The following OR2L13 variants were observed in gnomAD, a reference collection of about 807,000 sequenced individuals.
OR2L13 encodes olfactory receptor family 2 subfamily L member 13, also known as olfactory receptor 2L13.
Under a neutral mutation model 15.3 loss-of-function variants are expected in OR2L13, and 14 were observed. The observed-to-expected ratio is 0.91, with a 90% CI of 0.60 to 1.43. The LOEUF (loss-of-function observed/expected upper bound fraction) is 1.43, where lower values mean the gene tolerates loss of function less well. Ranked by LOEUF, OR2L13 falls within the 40% of genes most tolerant of loss-of-function variation. OR2L13 has a pLI of 0.00. For synonymous variants in OR2L13, 152 were observed against 142.9 expected, an observed-to-expected ratio of 1.06 and a Z score of -0.45; for missense variants, 367 against 387.9, an observed-to-expected ratio of 0.95 and a Z score of 0.45.
chr1:248,067,564 C>T, the OR2L13 span, among the ~76,000 whole-genome samples: 149 of 152,340 alleles, frequency 9.8e-4, no homozygotes, highest in African/African-American at 3.3e-3. Context: ...CCAGCGTGAG[C>T]GATGCAGAAG....
the OR2L13 span, among the ~76,000 whole-genome samples, chr1:248,086,209 G>A: frequency 2.6e-5 from 4 of 152,092 alleles, no homozygotes; most frequent in Non-Finnish European, 5.9e-5. Context: ...AGATTAGTGA[G>A]CTGAATACTA....
At chr1:248,034,517 C>T in the OR2L13 span, among the ~76,000 whole-genome samples, 2 of 152,254 alleles carry the variant, frequency 1.3e-5, no homozygotes, top group Non-Finnish European at 2.9e-5. Context: ...AAAGATTTAT[C>T]ATTAGAATTT....
chr1:247,959,173 A>T, the OR2L13 span, among the ~76,000 whole-genome samples: 1 of 152,026 alleles, frequency 6.6e-6, no homozygotes, highest in African/African-American at 2.4e-5. Flanking sequence ...GCTTGTCTGT[A>T]AAGTATTTTA....
chr1:247,975,074 CT>C, the OR2L13 span: 4 of 327,752 alleles, frequency 1.2e-5, no homozygotes, highest in Non-Finnish European at 2.4e-5. Context: ...TGCAGAAATG[CT>C]GCCACTGACA....
the OR2L13 span, among the ~76,000 whole-genome samples, chr1:247,961,549 G>C: frequency 9.9e-5 from 15 of 152,144 alleles, no homozygotes; most frequent in Admixed American, 9.8e-4. Context: ...CAAAGACTCC[G>C]ATGTCCGGTT....
the OR2L13 span, among the ~76,000 whole-genome samples, chr1:248,067,791 C>T: frequency 2.6e-5 from 4 of 152,214 alleles, no homozygotes; most frequent in Non-Finnish European, 5.9e-5. Flanking sequence ...CACTCCCACC[C>T]GAATACTGCG....
chr1:247,965,858 T>G, the OR2L13 span: 1 of 1,613,858 alleles, frequency 6.2e-7, no homozygotes. Flanking sequence ...ATACATACAT[T>G]GTATGTGTTT....
chr1:248,022,268 A>G, the OR2L13 span: 1 of 1,614,174 alleles, frequency 6.2e-7, no homozygotes, highest in East Asian at 2.2e-5. Context: ...TGACTTTTGC[A>G]GGTGCAGAAG....
the OR2L13 span, among the ~76,000 whole-genome samples, chr1:248,014,728 C>G: frequency 2.7e-3 from 408 of 152,194 alleles, 1 homozygote; most frequent in African/African-American, 9.2e-3. Flanking sequence ...CAATGATACA[C>G]CCAGTCAAGT....
the OR2L13 span, among the ~76,000 whole-genome samples, chr1:248,020,284 C>T: frequency 6.6e-6 from 1 of 152,170 alleles, no homozygotes; most frequent in Non-Finnish European, 1.5e-5. Context: ...GGAAGTAAAA[C>T]TGTCGCTGTT....
the OR2L13 span, among the ~76,000 whole-genome samples, chr1:247,996,603 G>A: frequency 6.6e-6 from 1 of 152,184 alleles, no homozygotes; most frequent in Non-Finnish European, 1.5e-5. Context: ...TCAGGAGTAA[G>A]TTGCTGACTT....
the OR2L13 span, chr1:248,021,960 A>G: frequency 5.0e-6 from 8 of 1,612,714 alleles, no homozygotes; most frequent in Non-Finnish European, 6.8e-6. Context: ...GGAAAATTAC[A>G]ATCAAACGTC....
At chr1:248,021,689 C>G in the OR2L13 span, among the ~76,000 whole-genome samples, 1 of 152,088 alleles carries the variant, frequency 6.6e-6, no homozygotes, top group Non-Finnish European at 1.5e-5. Context: ...ATTTGCATAA[C>G]TTTTATTAGA....
At chr1:247,982,114 C>G in the OR2L13 span, among the ~76,000 whole-genome samples, 1 of 152,032 alleles carries the variant, frequency 6.6e-6, no homozygotes, top group African/African-American at 2.4e-5. Context: ...CGCGCCTGGC[C>G]CATAATAACA....
At chr1:248,055,675 T>G in the OR2L13 span, among the ~76,000 whole-genome samples, 8 of 152,212 alleles carry the variant, frequency 5.3e-5, no homozygotes, top group Middle Eastern at 3.2e-3. Flanking sequence ...GTGAATCACT[T>G]AAACCCAGGA....
chr1:248,074,675 TAA>T, the OR2L13 span, among the ~76,000 whole-genome samples: 4 of 152,230 alleles, frequency 2.6e-5, no homozygotes, highest in Admixed American at 6.5e-5. Flanking sequence ...TGAAGACTAC[TAA>T]AGAGGTTAAG....
the OR2L13 span, among the ~76,000 whole-genome samples, chr1:248,016,699 C>T: frequency 3.3e-5 from 5 of 151,270 alleles, no homozygotes; most frequent in Admixed American, 6.6e-5. Context: ...TTTTTTTAAA[C>T]GTGTATATAA....
the OR2L13 span, chr1:247,948,985 C>T: frequency 1.2e-6 from 2 of 1,613,898 alleles, no homozygotes; most frequent in African/African-American, 2.7e-5. Flanking sequence ...GGAAACCTGT[C>T]CATGATTCTT....
the OR2L13 span, chr1:248,022,360 G>T: frequency 1.2e-6 from 2 of 1,614,144 alleles, no homozygotes; most frequent in East Asian, 4.5e-5. Context: ...ATGAGCAAAA[G>T]AATGTATGTG....
Sources: allele counts gnomAD v4.1 joint callset (sites outside exome capture counted in the v4.1 genomes callset), GRCh38; gene constraint gnomAD v4.1.1; transcripts MANE v1.5; gene names NCBI Gene and HGNC (gene_info 2026-07-23, HGNC 2026-07-21).